Variants in CNBD1 observed in about 807,000 individuals in gnomAD.
The protein encoded by CNBD1 is cyclic nucleotide binding domain containing 1.
A neutral mutation model predicts 54.4 loss-of-function variants in CNBD1; 71 were observed. The observed-to-expected ratio is 1.30, with a 90% CI of 1.08 to 1.59. The LOEUF (loss-of-function observed/expected upper bound fraction) is 1.59, where lower values mean the gene tolerates loss of function less well. CNBD1 is among the 40% of genes most tolerant of loss of function. CNBD1 has a pLI of 0.00. For synonymous variants in CNBD1, 182 were observed against 170.7 expected (o/e 1.07, Z -0.51); for missense variants, 659 against 518.0 (o/e 1.27, Z -2.64).
intron 4 of CNBD1, among the ~76,000 whole-genome samples, chr8:87,125,895 T>A (rs769433162): frequency 1.3e-5 from 2 of 151,916 alleles, no homozygotes; most frequent in Non-Finnish European, 2.9e-5. Context: ...ATAGATCAGT[T>A]TCCATTTCCT....
In CNBD1 at chr8:86,893,246, C is replaced by T. The variant is rs537038394; in HGVS notation, c.158+5635C>T. ...TGCCTATTCATAATGTTTTACCTAA[C>T]GTGTACACTCTTATAGCCAATTGTT... On this transcript the variant is annotated intron_variant, in intron 2 of 10. Coordinates refer to ENST00000518476, the MANE Select transcript of CNBD1 (RefSeq NM_173538.3). 1.8e-4 allele frequency among the ~76,000 whole-genome samples: 28 copies of T among 152,292 alleles called. No homozygotes were observed. In the South Asian group the frequency reaches 4.6e-3, roughly 25 times the overall value.
At chr8:87,203,383 C>A (rs1482583438) in intron 4 of CNBD1, among the ~76,000 whole-genome samples, 1 of 152,102 alleles carries the variant, frequency 6.6e-6, no homozygotes, top group Admixed American at 6.5e-5. Context: ...CTAACAAATG[C>A]ACATACACAT....
At chr8:87,024,244 AAAAG>A in intron 4 of CNBD1, among the ~76,000 whole-genome samples, 1 of 122,428 alleles carries the variant, frequency 8.2e-6, no homozygotes, top group East Asian at 2.5e-4. Context: ...ATCTCAAAAA[AAAAG>A]AAAAAAAAAA....
intron 6 of CNBD1, among the ~76,000 whole-genome samples, chr8:87,282,196 C>T (rs1366348977): frequency 6.6e-6 from 1 of 151,342 alleles, no homozygotes; most frequent in Non-Finnish European, 1.5e-5. Context: ...TTTCCTAGCC[C>T]AAGAATATAA....
At chr8:87,345,420 C>T in intron 8 of CNBD1, among the ~76,000 whole-genome samples, 1 of 152,074 alleles carries the variant, frequency 6.6e-6, no homozygotes. Context: ...GGTGCTCTAC[C>T]CCTTCTGCAT....
At chr8:86,958,520 G>C (rs566640280) in intron 4 of CNBD1, among the ~76,000 whole-genome samples, 1 of 152,090 alleles carries the variant, frequency 6.6e-6, no homozygotes, top group South Asian at 2.1e-4. Flanking sequence ...TCCTGTATTG[G>C]GTGCATATAT....
At chr8:86,971,537 C>A (rs1227666006) in intron 4 of CNBD1, among the ~76,000 whole-genome samples, 1 of 152,122 alleles carries the variant, frequency 6.6e-6, no homozygotes, top group Non-Finnish European at 1.5e-5. Context: ...ACTGATGAGA[C>A]AATTTATTAC....
At chr8:86,887,325 G>T (rs1289536727) in intron 1 of CNBD1, among the ~76,000 whole-genome samples, 5 of 152,082 alleles carry the variant, frequency 3.3e-5, no homozygotes, top group Admixed American at 3.3e-4. Context: ...AAAAATGCCA[G>T]ACCAGATTTG....
intron 4 of CNBD1, among the ~76,000 whole-genome samples, chr8:87,040,812 A>G (rs1362854254): frequency 1.3e-5 from 2 of 151,106 alleles, no homozygotes; most frequent in Non-Finnish European, 3.0e-5. Context: ...TATTTTTAAT[A>G]TTTATTATTC....
At chr8:87,228,615 C>T (rs994110810) in intron 5 of CNBD1, among the ~76,000 whole-genome samples, 17 of 151,302 alleles carry the variant, frequency 1.1e-4, no homozygotes, top group Admixed American at 2.6e-4. Flanking sequence ...TCTCCAGCTG[C>T]GTGCTGGGAG....
At chr8:87,261,996 AT>A (rs1216890064) in intron 6 of CNBD1, among the ~76,000 whole-genome samples, 2 of 151,470 alleles carry the variant, frequency 1.3e-5, no homozygotes, top group African/African-American at 4.8e-5. Context: ...AAAAAAAAAA[AT>A]ACAAAAATTA....
intron 5 of CNBD1, among the ~76,000 whole-genome samples, chr8:87,228,333 C>G (rs1814561685): frequency 6.6e-6 from 1 of 150,734 alleles, no homozygotes; most frequent in Non-Finnish European, 1.5e-5. Flanking sequence ...TTTAGAGTTT[C>G]CAGTTTTTCT....
At chr8:87,002,798 C>T (rs1261024566) in intron 4 of CNBD1, among the ~76,000 whole-genome samples, 1 of 151,928 alleles carries the variant, frequency 6.6e-6, no homozygotes, top group African/African-American at 2.4e-5. Context: ...GATTATGTTT[C>T]TTGTTTATCT....
At chr8:87,093,214 G>A (rs984646062) in intron 4 of CNBD1, among the ~76,000 whole-genome samples, 2 of 152,148 alleles carry the variant, frequency 1.3e-5, no homozygotes, top group Admixed American at 6.6e-5. Context: ...CTTTCCATTC[G>A]TGGGAAACTT....
intron 4 of CNBD1, among the ~76,000 whole-genome samples, chr8:87,086,080 C>T (rs566907276): frequency 6.6e-6 from 1 of 152,122 alleles, no homozygotes; most frequent in Non-Finnish European, 1.5e-5. Context: ...CAATGGGTCT[C>T]TCATCTAAGT....
At chr8:86,923,029 G>A (rs1323265865) in intron 3 of CNBD1, among the ~76,000 whole-genome samples, 1 of 152,038 alleles carries the variant, frequency 6.6e-6, no homozygotes, top group East Asian at 1.9e-4. Context: ...CCAGAAGGAG[G>A]GCCTTGAGAG....
intron 2 of CNBD1, among the ~76,000 whole-genome samples, chr8:87,395,302 A>AT (rs1267374202): frequency 5.3e-5 from 8 of 151,778 alleles, no homozygotes; most frequent in African/African-American, 7.3e-5. Context: ...CATAGTATAT[A>AT]TTTTTTGCCA....
At chr8:86,912,743 A>C (rs1316671866) in intron 3 of CNBD1, among the ~76,000 whole-genome samples, 4 of 152,178 alleles carry the variant, frequency 2.6e-5, no homozygotes, top group Middle Eastern at 3.2e-3. Context: ...AACCTCAGAC[A>C]GTCCCTTCAG....
At chr8:87,309,212 A>T (rs1745730194) in intron 8 of CNBD1, among the ~76,000 whole-genome samples, 1 of 152,166 alleles carries the variant, frequency 6.6e-6, no homozygotes, top group Non-Finnish European at 1.5e-5. Context: ...ACAATGTATA[A>T]GACTTCCCCT....
Sources: allele counts gnomAD v4.1 joint callset (sites outside exome capture counted in the v4.1 genomes callset), GRCh38; gene constraint gnomAD v4.1.1; transcripts MANE v1.5; gene names NCBI Gene and HGNC (gene_info 2026-07-23, HGNC 2026-07-21).